The following SPAG17 variants were observed in gnomAD, a reference collection of about 807,000 sequenced individuals.
SPAG17 encodes the protein sperm associated antigen 17, also known as sperm-associated antigen 17.
In SPAG17, 169 loss-of-function variants were observed where a neutral mutation model predicts 273.6. The ratio of observed to expected loss-of-function variants is 0.62; its 90% CI spans 0.55 to 0.70. SPAG17 has a LOEUF of 0.70. Among genes scored for constraint, SPAG17 ranks in the 30% least tolerant of loss-of-function variants. The pLI is 0.00. For synonymous variants in SPAG17, 825 were observed against 873.2 expected (o/e 0.94, Z 0.97); for missense variants, 2,557 against 2,627.8 (o/e 0.97, Z 0.59).
At chr1:118,133,039 G>A (rs1346127680) in intron 3 of SPAG17, among the ~76,000 whole-genome samples, 1 of 152,142 alleles carries the variant, frequency 6.6e-6, no homozygotes, top group East Asian at 1.9e-4. Flanking sequence ...CCAAAGTGCT[G>A]TGATTACAGG....
At chr1:118,088,403 A>T (rs967117553) in intron 10 of SPAG17, among the ~76,000 whole-genome samples, 1 of 152,210 alleles carries the variant, frequency 6.6e-6, no homozygotes, top group Non-Finnish European at 1.5e-5. Context: ...AGATAAATAA[A>T]ATAATGATAC....
chr1:118,049,964 C>G (rs112632241), intron 20 of SPAG17, among the ~76,000 whole-genome samples: 1 of 152,102 alleles, frequency 6.6e-6, no homozygotes, highest in South Asian at 2.1e-4. Flanking sequence ...AGCTTCCCAG[C>G]GAGACCTCAG....
At chr1:118,169,299 TC>T (rs1451955265) in intron 1 of SPAG17, among the ~76,000 whole-genome samples, 2 of 152,220 alleles carry the variant, frequency 1.3e-5, no homozygotes, top group Admixed American at 6.5e-5. Context: ...CTCTTAACAT[TC>T]TTCCTAGCAA....
chr1:117,965,893 A>G (rs1336053859), intron 47 of SPAG17: 2 of 152,224 alleles, frequency 1.3e-5, no homozygotes, highest in African/African-American at 2.4e-5. Flanking sequence ...ACTCCCTGCC[A>G]ATCATCCCAA....
At chr1:118,001,183 T>C (rs1181632945) in intron 32 of SPAG17, among the ~76,000 whole-genome samples, 1 of 152,180 alleles carries the variant, frequency 6.6e-6, no homozygotes, top group Non-Finnish European at 1.5e-5. Context: ...GACCTGAACA[T>C]GGCGGATAAG....
intron 10 of SPAG17, among the ~76,000 whole-genome samples, chr1:118,089,897 T>C (rs1655257590): frequency 6.6e-6 from 1 of 152,138 alleles, no homozygotes; most frequent in African/African-American, 2.4e-5. Context: ...CTTATGATAA[T>C]GATGGAATTC....
At chr1:118,164,013 G>A (rs17037958) in intron 1 of SPAG17, among the ~76,000 whole-genome samples, 8,942 of 152,104 alleles carry the variant, frequency 0.059, 426 homozygotes, top group East Asian at 0.26. Context: ...ACACCACCCC[G>A]TTCTCATTCT....
At chr1:118,055,684 A>G in intron 19 of SPAG17, 49 bp downstream of exon 19, 2 of 1,390,998 alleles carry the variant, frequency 1.4e-6, no homozygotes, top group East Asian at 4.6e-5. Flanking sequence ...AAGAGAGAGA[A>G]GAACGTTCTT....
Position 118,164,733 on chromosome 1 carries a change from T to C in SPAG17, c.88-13364A>G, listed in dbSNP as rs573610831. On this transcript the variant is annotated intron_variant, in intron 1 of 48. Transcript: ENST00000336338. ...CTGAAGTGTGGAATTCAAAGCCCTT[T>C]ACATTCTCTTCCTAACATATTTCTA... 3.0e-3 allele frequency among the ~76,000 whole-genome samples: 459 copies of C among 152,350 alleles called. 3 individuals are homozygous for C. Among genetic ancestry groups the C allele is most frequent in the African/African-American group, 0.011 (438 of 41,582 alleles).
chr1:118,101,598 T>G (rs1656066114), intron 5 of SPAG17, 142 bp downstream of exon 5: 1 of 737,136 alleles, frequency 1.4e-6, no homozygotes, highest in African/African-American at 1.8e-5. Flanking sequence ...AAAATTCTAG[T>G]GTCTCTAGGG....
intron 48 of SPAG17, chr1:117,959,411 G>A (rs1220328116): frequency 6.2e-7 from 1 of 1,610,836 alleles, no homozygotes. Context: ...AGAGGAAGAG[G>A]AAAAAGAGGG....
At chr1:117,977,961 C>T (rs915419610) in intron 43 of SPAG17, among the ~76,000 whole-genome samples, 2 of 152,262 alleles carry the variant, frequency 1.3e-5, no homozygotes, top group African/African-American at 4.8e-5. Flanking sequence ...TTGATCACAC[C>T]GTTTCTTCAT....
chr1:117,960,621 T>A (rs1308170756), intron 48 of SPAG17: 1 of 152,218 alleles, frequency 6.6e-6, no homozygotes. Flanking sequence ...AGGTGATTAG[T>A]GTCACAGCAT....
chr1:118,156,017 TATATA>T (rs1448816333), intron 1 of SPAG17, among the ~76,000 whole-genome samples: 1 of 152,244 alleles, frequency 6.6e-6, no homozygotes, highest in Non-Finnish European at 1.5e-5. Flanking sequence ...CATACGTTGT[TATATA>T]ATAAACAAGA....
intron 3 of SPAG17, among the ~76,000 whole-genome samples, chr1:118,118,795 A>G (rs962513141): frequency 6.6e-6 from 1 of 152,206 alleles, no homozygotes; most frequent in Non-Finnish European, 1.5e-5. Flanking sequence ...AAGATATTTA[A>G]GGGGTCTAGA....
At chr1:118,059,721 T>A (rs1652081399) in intron 18 of SPAG17, among the ~76,000 whole-genome samples, 1 of 152,154 alleles carries the variant, frequency 6.6e-6, no homozygotes, top group Non-Finnish European at 1.5e-5. Flanking sequence ...AATTTTTGAC[T>A]TAAAGCCTAT....
At chr1:118,136,789 GTGTGTGTGTGTA>G (rs1227984617) in intron 3 of SPAG17, among the ~76,000 whole-genome samples, 35 of 120,564 alleles carry the variant, frequency 2.9e-4, no homozygotes, top group African/African-American at 1.1e-3. Flanking sequence ...GGGGTAAAGT[GTGTGTGTGTGTA>G]TGTGTGTGTG....
chr1:118,136,051 T>C (rs1015869377), intron 3 of SPAG17, among the ~76,000 whole-genome samples: 2 of 152,194 alleles, frequency 1.3e-5, no homozygotes, highest in African/African-American at 4.8e-5. Context: ...ATGAGCATAG[T>C]AAGCCTTAAA....
rs141373571 is a variant in SPAG17, at chr1:118,073,281, A to C, written c.2385+573T>G. Among the ~76,000 whole-genome samples the C allele has an allele frequency of 7.4e-3, 1,121 of 152,280 alleles. 12 individuals carry two copies. The highest frequency in any genetic ancestry group is 0.026 in the African/African-American group (1,060 of 41,560). On this transcript the variant is annotated intron_variant, in intron 17 of 48. Transcript: ENST00000336338. ...TAGCTTCTCACTTAGCTGCCATGTT[A>C]CCTTGGACAAAAGTCACTACTGGTC...
Sources: allele counts gnomAD v4.1 joint callset (sites outside exome capture counted in the v4.1 genomes callset), GRCh38; gene constraint gnomAD v4.1.1; transcripts MANE v1.5; gene names NCBI Gene and HGNC (gene_info 2026-07-23, HGNC 2026-07-21).